Variants in SLC18B1 observed in about 807,000 individuals in gnomAD.
The protein encoded by SLC18B1 is MFS-type transporter SLC18B1.
In SLC18B1, 62 loss-of-function variants were observed where a neutral mutation model predicts 53.9. That is an observed-to-expected ratio of 1.15 (90% CI 0.94 to 1.42). SLC18B1 has a LOEUF of 1.42. SLC18B1 is among the 40% of genes most tolerant of loss of function. The pLI is 0.00. For missense variants in SLC18B1, 598 were observed against 547.3 expected (o/e 1.09, Z -0.93); for synonymous variants, 217 against 200.9 (o/e 1.08, Z -0.68).
rs1266037838 is a variant in SLC18B1, at chr6:132,779,365, G to A, written c.698C>T (p.Ala233Val). ...PGEHSFWKLI[A>V]LPKVGLIAFV... is the part of the protein sequence containing the mutation. The stretch of plus-strand genomic sequence containing the variant: ...GGCTATAAGGCCAACTTTGGGTAAA[G>A]CGATCAGTTTCCAGAATGAGTGTTC... Residue 233 changes from alanine (A) to valine (V), a missense_variant, in exon 7 of 14, where the codon GCT becomes GTT. Coordinates refer to ENST00000275227, the MANE Select transcript of SLC18B1 (RefSeq NM_052831.3). The A allele has an allele frequency of 6.2e-7, 1 of 1,613,474 alleles. No individual in the cohort carries two copies. The highest frequency in any genetic ancestry group is 1.3e-5 in the African/African-American group (1 of 74,784).
intron 6 of SLC18B1, among the ~76,000 whole-genome samples, chr6:132,780,377 T>C (rs1033489693): frequency 2.6e-5 from 4 of 151,992 alleles, no homozygotes; most frequent in African/African-American, 4.8e-5. Context: ...ATGTGGAAGC[T>C]ATTTGATGGC....
rs889336107 is a variant in SLC18B1 at position 132,774,202 on chromosome 6, C to T, written c.989+20G>A. ...TCCTAATGTTATTTGGCCAAACATA[C>T]AGAAGAAGAAAAAAATTACCTTTTA... On this transcript the variant is annotated intron_variant, in intron 9 of 13. Transcript: ENST00000275227. 3 of 1,572,322 alleles carry T rather than the reference C, an allele frequency of 1.9e-6. No homozygotes were observed. The South Asian group carries it at 3.6e-5, about 19-fold the overall frequency.
chr6:132,777,857 A>G (rs1781137573), intron 7 of SLC18B1, among the ~76,000 whole-genome samples: 1 of 152,246 alleles, frequency 6.6e-6, no homozygotes, highest in African/African-American at 2.4e-5. Context: ...GATGATCTAA[A>G]TGGACTGTGT....
rs753944211 is a variant in SLC18B1 at position 132,770,932 on chromosome 6, G to A, written c.1262C>T (p.Ala421Val). The change falls in exon 13 of 14, where the codon GCC becomes GTC. Residue 421 changes from alanine to valine, a missense_variant. Ala to Val is a moderately conservative substitution (Grantham distance 64). Transcript: ENST00000275227. ...CTCCAGTAGATAAAACAAGCCCATG[G>A]CTAATCCCTTAAACACAATTAAAAG... Reference protein sequence around the residue: ...QGLWALISGLAMGLFYLLEYS... With the variant: ...QGLWALISGLVMGLFYLLEYS... 45 of 1,612,536 alleles carry A rather than the reference G, an allele frequency of 2.8e-5. No individual in the cohort carries two copies. Among genetic ancestry groups the A allele is most frequent in the Non-Finnish European group, 3.7e-5 (44 of 1,179,602 alleles).
At chr6:132,795,205 C>CT (rs1781643420) in intron 2 of SLC18B1, among the ~76,000 whole-genome samples, 1 of 151,982 alleles carries the variant, frequency 6.6e-6, no homozygotes, top group South Asian at 2.1e-4. Context: ...TCTGGACATC[C>CT]TTTTCTTAAG....
Position 132,773,057 on chromosome 6 carries a change from C to T in SLC18B1, c.1021G>A (p.Val341Ile), listed in dbSNP as rs375245993. 2.2e-5 allele frequency: 36 copies of T among 1,613,810 alleles called. No homozygotes were observed. The highest frequency in any genetic ancestry group is 2.5e-5 in the Non-Finnish European group (30 of 1,179,882). Residue 341 changes from valine to isoleucine, a missense_variant, in exon 10 of 14, where the codon GTA (valine) becomes ATA (isoleucine). Coordinates refer to ENST00000275227, the MANE Select transcript of SLC18B1 (RefSeq NM_052831.3). ...CTCATTCCAGCAGAGAGGCCACTTACAACTAATATCAGCACCAGCAGCCAG... is the reference window on the plus strand; with the variant it reads ...CTCATTCCAGCAGAGAGGCCACTTATAACTAATATCAGCACCAGCAGCCAG... Reference protein sequence around the residue: ...QLWLLVLILVVSGLSAGMSII... With the variant: ...QLWLLVLILVISGLSAGMSII...
In SLC18B1 at chr6:132,787,404, G is replaced by T. The variant is rs776765809; in HGVS notation, c.501+30C>A. 20 of 1,515,870 alleles carry T rather than the reference G, an allele frequency of 1.3e-5. No individual in the cohort carries two copies. The East Asian group carries it at 1.9e-4, about 15-fold the overall frequency. 93.9% of individuals were successfully genotyped at this position (1,515,870 alleles called of 1,614,324 possible). ...CAAATATTTTGGCCTACACTCAAAG[G>T]AAAGTGGGAAATACTTCTAAAATAC... On this transcript the variant is annotated intron_variant, in intron 5 of 13. Transcript: ENST00000275227.
chr6:132,788,747 T>G (rs1781445804), intron 4 of SLC18B1, among the ~76,000 whole-genome samples: 1 of 148,498 alleles, frequency 6.7e-6, no homozygotes, highest in East Asian at 2.0e-4. Flanking sequence ...GGCTTGAACC[T>G]GGGAGGTGGA....
intron 4 of SLC18B1, among the ~76,000 whole-genome samples, chr6:132,788,082 A>T (rs977090347): frequency 2.0e-5 from 3 of 151,454 alleles, no homozygotes; most frequent in African/African-American, 7.3e-5. Context: ...AATGGCATGA[A>T]CCTGGGCGGC....
intron 6 of SLC18B1, among the ~76,000 whole-genome samples, chr6:132,783,322 G>A (rs184588386): frequency 3.3e-5 from 5 of 151,990 alleles, no homozygotes; most frequent in East Asian, 1.9e-4. Flanking sequence ...GACTACAGGT[G>A]TGCACCACCA....
rs1582850410 is a variant in SLC18B1 at position 132,770,192 on chromosome 6, T to A, written c.*78A>T. The A allele has an allele frequency of 7.7e-7, 1 of 1,292,250 alleles. No homozygotes were observed. Among genetic ancestry groups the A allele is most frequent in the Non-Finnish European group, 1.1e-6 (1 of 904,200 alleles). The allele number at this position is 1,292,250 out of a possible 1,614,324, so 80.0% of individuals were successfully genotyped here. The stretch of plus-strand genomic sequence containing the variant: ...CCACGGAGTTTTGCGCGTAAAATTT[T>A]AAAAACCCTTCCTACGGTGATGTTT... On this transcript the variant is annotated 3_prime_UTR_variant, in exon 14 of 14. Transcript: ENST00000275227.
chr6:132,790,071 T>TAAC, intron 3 of SLC18B1, 106 bp downstream of exon 3: 1 of 860,522 alleles, frequency 1.2e-6, no homozygotes, highest in Non-Finnish European at 1.8e-6. Context: ...TATAAAACTA[T>TAAC]AACGATGGCT....
intron 2 of SLC18B1, among the ~76,000 whole-genome samples, chr6:132,793,912 A>C (rs1582874632): frequency 1.3e-5 from 2 of 152,128 alleles, no homozygotes; most frequent in East Asian, 1.9e-4. Context: ...CTATAAGCAC[A>C]AAACTCAATC....
At chr6:132,784,415 A>T (rs1280681133) in intron 5 of SLC18B1, among the ~76,000 whole-genome samples, 1 of 152,222 alleles carries the variant, frequency 6.6e-6, no homozygotes, top group Non-Finnish European at 1.5e-5. Flanking sequence ...AGAGAAAAAA[A>T]TGACAAAGAA....
chr6:132,787,888 G>T (rs928684169), intron 4 of SLC18B1, among the ~76,000 whole-genome samples: 1 of 152,044 alleles, frequency 6.6e-6, no homozygotes, highest in South Asian at 2.1e-4. Flanking sequence ...TCAGCTGGGC[G>T]CAGTGGCTCA....
intron 2 of SLC18B1, among the ~76,000 whole-genome samples, chr6:132,795,843 A>G (rs779305680): frequency 3.3e-5 from 5 of 152,256 alleles, no homozygotes; most frequent in African/African-American, 1.2e-4. Context: ...AATAGGCCCT[A>G]TTAATCAGAA....
At chr6:132,787,925 G>A (rs1030564486) in intron 4 of SLC18B1, among the ~76,000 whole-genome samples, 1 of 152,066 alleles carries the variant, frequency 6.6e-6, no homozygotes, top group Non-Finnish European at 1.5e-5. Context: ...ACTTTGGGAG[G>A]CTGAGGCAGG....
intron 3 of SLC18B1, 127 bp downstream of exon 3, chr6:132,790,050 C>A: frequency 1.3e-6 from 1 of 796,070 alleles, no homozygotes; most frequent in Non-Finnish European, 2.0e-6. Context: ...ACTGTCAACA[C>A]TGGCACAATT....
chr6:132,792,280 A>AAAGAAAGAAAGAAAGGAAGGAAGG (rs1554223267), intron 2 of SLC18B1, among the ~76,000 whole-genome samples: 19 of 42,694 alleles, frequency 4.5e-4, no homozygotes, highest in Non-Finnish European at 7.5e-4. Context: ...AGAAAGAAAG[A>AAAGAAAGAAAGAAAGGAAGGAAGG]AAGGAAGAAA....
Sources: gnomAD v4.1 joint callset for allele counts (sites outside exome capture counted in the v4.1 genomes callset) on GRCh38, gnomAD v4.1.1 for gene constraint, MANE v1.5 for transcripts, NCBI Gene and HGNC (gene_info 2026-07-23, HGNC 2026-07-21) for gene names.